The following DIS3L2 variants were observed in gnomAD, a reference collection of about 807,000 sequenced individuals.
The protein encoded by DIS3L2 is DIS3 like 3'-5' exoribonuclease 2, also known as DIS3-like exonuclease 2.
A neutral mutation model predicts 97.5 loss-of-function variants in DIS3L2; 34 were observed. The ratio of observed to expected loss-of-function variants is 0.35; its 90% confidence interval spans 0.27 to 0.46. DIS3L2 has a LOEUF of 0.46. DIS3L2 is among the 20% of genes least tolerant of loss of function. The pLI, the probability that DIS3L2 is intolerant of heterozygous loss-of-function variation, is 1.00. For missense variants in DIS3L2, 1,038 were observed against 1,146.0 expected (o/e 0.91, Z 1.36); for synonymous variants, 435 against 445.2 (o/e 0.98, Z 0.29).
intron 9 of DIS3L2, among the ~76,000 whole-genome samples, chr2:232,174,585 C>CAAAAA (rs60698530): frequency 1.2e-5 from 1 of 83,972 alleles, no homozygotes; most frequent in South Asian, 4.3e-4. Flanking sequence ...GACTCCACCT[C>CAAAAA]AAAAAAAAAA....
intron 1 of DIS3L2, among the ~76,000 whole-genome samples, chr2:231,995,634 C>T (rs1361730998): frequency 6.6e-6 from 1 of 152,196 alleles, no homozygotes; most frequent in African/African-American, 2.4e-5. Flanking sequence ...AAAGTGCTCC[C>T]AGGGTCTCTA....
At chr2:232,034,199 AG>A (rs1380458980) in intron 5 of DIS3L2, among the ~76,000 whole-genome samples, 1 of 151,896 alleles carries the variant, frequency 6.6e-6, no homozygotes, top group East Asian at 1.9e-4. Flanking sequence ...TAGTCTTGGG[AG>A]GGTGTTTGGG....
At chr2:232,022,129 A>T (rs927259213) in intron 3 of DIS3L2, among the ~76,000 whole-genome samples, 1 of 152,166 alleles carries the variant, frequency 6.6e-6, no homozygotes, top group Non-Finnish European at 1.5e-5. Context: ...TTTTTGACAG[A>T]CTTAAATGCC....
intron 1 of DIS3L2, among the ~76,000 whole-genome samples, chr2:231,966,174 T>C (rs12614196): frequency 0.057 from 8,433 of 148,418 alleles, 961 homozygotes; most frequent in East Asian, 0.5. Context: ...TCTTCTTCTT[T>C]TTTTTTTTTT....
At chr2:232,252,141 C>T (rs763350626) in intron 12 of DIS3L2, among the ~76,000 whole-genome samples, 1 of 152,228 alleles carries the variant, frequency 6.6e-6, no homozygotes, top group Non-Finnish European at 1.5e-5. Context: ...GGTGTGGTGG[C>T]TCATGCCTGT....
At chr2:232,329,787 C>CCCGGGGA in intron 14 of DIS3L2, 26 bp from the exon 15 acceptor site, 1 of 1,062,210 alleles carries the variant, frequency 9.4e-7, no homozygotes, top group African/African-American at 1.6e-5. Context: ...CCCAGCGGTC[C>CCCGGGGA]CTCCCATCCC....
intron 5 of DIS3L2, among the ~76,000 whole-genome samples, chr2:232,051,689 G>A (rs1695408070): frequency 6.7e-6 from 1 of 149,688 alleles, no homozygotes; most frequent in South Asian, 2.1e-4. Flanking sequence ...GCGGGCGCCT[G>A]TAGTCCCAGC....
At chr2:231,983,465 G>T (rs1301420645) in intron 1 of DIS3L2, among the ~76,000 whole-genome samples, 1 of 152,192 alleles carries the variant, frequency 6.6e-6, no homozygotes, top group Non-Finnish European at 1.5e-5. Flanking sequence ...GATGAGTGGT[G>T]AGCAAGCATT....
chr2:232,203,769 T>G (rs1041921216), intron 9 of DIS3L2, among the ~76,000 whole-genome samples: 6 of 152,152 alleles, frequency 3.9e-5, no homozygotes, highest in Non-Finnish European at 8.8e-5. Flanking sequence ...GGGGGAGAGA[T>G]AGCTTCTATT....
chr2:232,332,484 G>T, intron 16 of DIS3L2, among the ~76,000 whole-genome samples: 1 of 151,526 alleles, frequency 6.6e-6, no homozygotes, highest in Middle Eastern at 3.2e-3. Flanking sequence ...TTGGACCTCT[G>T]CGAGGAACCC....
intron 5 of DIS3L2, among the ~76,000 whole-genome samples, chr2:232,085,777 A>G (rs1240077786): frequency 6.6e-6 from 1 of 152,016 alleles, no homozygotes. Flanking sequence ...CATAAAATGG[A>G]TTAGTATCTG....
chr2:232,267,378 T>C (rs1322599995), intron 13 of DIS3L2, among the ~76,000 whole-genome samples: 2 of 152,212 alleles, frequency 1.3e-5, no homozygotes, highest in Non-Finnish European at 2.9e-5. Context: ...AATGACTCCT[T>C]TGTTTCATTG....
At chr2:232,137,182 G>A (rs1245702554) in intron 8 of DIS3L2, among the ~76,000 whole-genome samples, 1 of 152,076 alleles carries the variant, frequency 6.6e-6, no homozygotes, top group Non-Finnish European at 1.5e-5. Flanking sequence ...TTTTGCCTGT[G>A]GCATTAAAAA....
chr2:232,245,455 C>T (rs1371989970), intron 11 of DIS3L2, among the ~76,000 whole-genome samples: 12 of 152,156 alleles, frequency 7.9e-5, no homozygotes. Context: ...GAATTAGGCC[C>T]CATTTATGAG....
chr2:232,198,116 TTTGACC>T (rs1310508941), intron 9 of DIS3L2, among the ~76,000 whole-genome samples: 1 of 152,172 alleles, frequency 6.6e-6, no homozygotes, highest in Non-Finnish European at 1.5e-5. Flanking sequence ...CTTGGGCTTC[TTTGACC>T]TTGAGCAAGT....
At position 232,281,949 on chromosome 2, in the gene DIS3L2, A is replaced by G. The variant is rs1694298199; in HGVS notation, c.1660-18091A>G. The stretch of plus-strand genomic sequence containing the variant: ...AAGGACTAGAAGCAATATGAAATCT[A>G]ATTGGCAAGACCACGGTGAGCACAC... On this transcript the variant is annotated intron_variant, in intron 13 of 20. Coordinates refer to ENST00000325385, the MANE Select transcript of DIS3L2 (RefSeq NM_152383.5). This position sits in a 1 kb window ranked among gnomAD's most constrained non-coding sequence, Gnocchi z 4.1. Among the ~76,000 whole-genome samples, 1 of 151,716 alleles carries G rather than the reference A, an allele frequency of 6.6e-6. No homozygotes were observed. The highest frequency in any genetic ancestry group is 1.9e-4 in the East Asian group (1 of 5,160).
chr2:232,045,900 C>T (rs1254327010), intron 5 of DIS3L2, among the ~76,000 whole-genome samples: 1 of 151,972 alleles, frequency 6.6e-6, no homozygotes, highest in Admixed American at 6.6e-5. Flanking sequence ...GTCTCGAACC[C>T]CTGAACTCAG....
At chr2:232,133,919 C>T (rs1285781149) in intron 7 of DIS3L2, among the ~76,000 whole-genome samples, 1 of 130,962 alleles carries the variant, frequency 7.6e-6, no homozygotes, top group African/African-American at 3.0e-5. Flanking sequence ...ACCCAGGAGG[C>T]GGAGGTTGTA....
intron 5 of DIS3L2, among the ~76,000 whole-genome samples, chr2:232,031,948 G>T (rs943260233): frequency 1.3e-5 from 2 of 152,144 alleles, no homozygotes; most frequent in African/African-American, 2.4e-5. Context: ...TATGAATAGT[G>T]CTACAATAAA....
Sources: allele counts gnomAD v4.1 joint callset (sites outside exome capture counted in the v4.1 genomes callset), GRCh38; gene constraint gnomAD v4.1.1; non-coding constraint Gnocchi (gnomAD v3.1); transcripts MANE v1.5; gene names NCBI Gene and HGNC (gene_info 2026-07-23, HGNC 2026-07-21).